TLL1: variants seen among roughly 807,000 people sequenced by gnomAD.
The protein encoded by TLL1 is tolloid like 1.
Under a neutral mutation model 128.2 loss-of-function variants are expected in TLL1, and 49 were observed. The observed-to-expected ratio is 0.38, with a 90% confidence interval of 0.30 to 0.48. The LOEUF (loss-of-function observed/expected upper bound fraction) is 0.48, where lower values mean the gene tolerates loss of function less well. Ranked by LOEUF, TLL1 falls within the 20% of genes least tolerant of loss-of-function variation. The pLI is 0.96. For missense variants in TLL1, 1,123 were observed against 1,242.0 expected, an observed-to-expected ratio of 0.90 and a Z score of 1.44; for synonymous variants, 454 against 418.8, an observed-to-expected ratio of 1.08 and a Z score of -1.03.
chr4:165,903,909 A>G (rs1333337478), intron 1 of TLL1, among the ~76,000 whole-genome samples: 4 of 151,992 alleles, frequency 2.6e-5, no homozygotes, highest in Non-Finnish European at 4.4e-5. Flanking sequence ...TAAAATATAT[A>G]GGGTTTTTTT....
At chr4:166,017,878 A>G (rs958397646) in intron 8 of TLL1, among the ~76,000 whole-genome samples, 8 of 152,176 alleles carry the variant, frequency 5.3e-5, no homozygotes, top group Non-Finnish European at 1.2e-4. Context: ...GATAAGGACA[A>G]TGATATTGGC....
chr4:165,902,826 C>T (rs1176424208), intron 1 of TLL1, among the ~76,000 whole-genome samples: 1 of 152,072 alleles, frequency 6.6e-6, no homozygotes, highest in Non-Finnish European at 1.5e-5. Flanking sequence ...TATACAGCAC[C>T]ATATAAATCA....
In TLL1 at chr4:166,057,181, T is replaced by C. The variant is rs759998069; in HGVS notation, c.1721-3T>C. 7 of 1,613,782 alleles carry C rather than the reference T, an allele frequency of 4.3e-6. No homozygotes were observed. Among genetic ancestry groups the C allele is most frequent in the Non-Finnish European group, 5.1e-6 (6 of 1,179,840 alleles). On this transcript the variant is annotated splice_region_variant and splice_polypyrimidine_tract_variant and intron_variant, in intron 13 of 20. Transcript: ENST00000061240. ...TGTTCTATAACTATGACCATTTTCA[T>C]AGAGGAAGATGAGTGTGCCAAACCT... is the stretch of plus-strand genomic sequence containing the variant.
chr4:166,087,129 C>T (rs1247989991), intron 18 of TLL1, among the ~76,000 whole-genome samples: 1 of 152,068 alleles, frequency 6.6e-6, no homozygotes, highest in Non-Finnish European at 1.5e-5. Flanking sequence ...AATTAATGTT[C>T]ATTCAAAACA....
intron 8 of TLL1, among the ~76,000 whole-genome samples, chr4:166,015,328 T>C (rs1317107437): frequency 6.6e-6 from 1 of 152,010 alleles, no homozygotes. Context: ...TAGAATTCAC[T>C]TTTGGAAGTA....
At chr4:165,896,254 A>C (rs1272393497) in intron 1 of TLL1, among the ~76,000 whole-genome samples, 1 of 152,128 alleles carries the variant, frequency 6.6e-6, no homozygotes, top group Non-Finnish European at 1.5e-5. Flanking sequence ...CCTGCAAAGC[A>C]CATGAACTTA....
chr4:165,921,245 T>A (rs1464903427), intron 1 of TLL1, among the ~76,000 whole-genome samples: 1 of 152,186 alleles, frequency 6.6e-6, no homozygotes, highest in Non-Finnish European at 1.5e-5. Context: ...GGATGCAGCA[T>A]TTAGAACAAA....
chr4:165,880,683 A>G (rs1378724561), intron 1 of TLL1, among the ~76,000 whole-genome samples: 1 of 152,186 alleles, frequency 6.6e-6, no homozygotes, highest in African/African-American at 2.4e-5. Flanking sequence ...TAAAAGCCAT[A>G]TATTTACTCT....
intron 9 of TLL1, 56 bp downstream of exon 9, chr4:166,025,487 C>A: frequency 7.6e-7 from 1 of 1,320,910 alleles, no homozygotes; most frequent in Non-Finnish European, 1.1e-6. Flanking sequence ...AAAAGTTCAT[C>A]ATCCTTCAAA....
rs780958408 is a variant in TLL1 at position 166,091,331 on chromosome 4, A to G, written c.2646A>G (p.Thr882=). ...TTCAAAGAAAAGGCTTTCAAGCTACACATTCTACAGGTCAGCAAATTCAAG... is the reference window on the plus strand; with the variant it reads ...TTCAAAGAAAAGGCTTTCAAGCTACGCATTCTACAGGTCAGCAAATTCAAG... The part of the protein sequence containing the change: ...ASVQRKGFQA[T]HSTECGGRLK... The change falls in exon 19 of 21, where the codon ACA becomes ACG. Residue 882 remains threonine, a synonymous_variant. Transcript: ENST00000061240. 1 of 1,612,402 alleles carries G rather than the reference A, an allele frequency of 6.2e-7. No homozygotes were observed. The highest frequency in any genetic ancestry group is 1.1e-5 in the South Asian group (1 of 90,950).
intron 1 of TLL1, among the ~76,000 whole-genome samples, chr4:165,945,036 C>A (rs559231471): frequency 6.6e-6 from 1 of 151,972 alleles, no homozygotes; most frequent in Non-Finnish European, 1.5e-5. Flanking sequence ...GAGAAGGAAG[C>A]AAGTCCAGGG....
intron 19 of TLL1, among the ~76,000 whole-genome samples, chr4:166,092,224 A>T (rs988717): frequency 0.91 from 138,677 of 152,108 alleles, 63,811 homozygotes; most frequent in East Asian, 1. Flanking sequence ...GAATTTCTGC[A>T]GATTGTTTTT....
rs28391614 is a variant in TLL1, at chr4:165,873,640, C to A, written c.-265C>A. 3.3e-3 allele frequency: 1,108 copies of A among 330,862 alleles called. 14 individuals carry two copies. Among genetic ancestry groups the A allele is most frequent in the African/African-American group, 0.022 (1,043 of 47,058 alleles). The allele number at this position is 330,862 out of a possible 1,614,324, so 20.5% of individuals were successfully genotyped here. ...AGTTTGCCTGCGCCCTCCCCGCCTCCGAGTGCAGAGTTCCTTACCTGCCCT... is the reference window on the plus strand; with the variant it reads ...AGTTTGCCTGCGCCCTCCCCGCCTCAGAGTGCAGAGTTCCTTACCTGCCCT... On this transcript the variant is annotated 5_prime_UTR_variant, in exon 1 of 21. Coordinates refer to ENST00000061240, the MANE Select transcript of TLL1 (RefSeq NM_012464.5).
intron 20 of TLL1, 142 bp downstream of exon 20, chr4:166,099,669 A>G: frequency 9.2e-7 from 1 of 1,092,780 alleles, no homozygotes; most frequent in Non-Finnish European, 1.3e-6. Flanking sequence ...AAATGGCTTG[A>G]CAAAATATAA....
chr4:165,942,184 T>C (rs543418193), intron 1 of TLL1, among the ~76,000 whole-genome samples: 31 of 152,086 alleles, frequency 2.0e-4, no homozygotes, highest in Non-Finnish European at 3.7e-4. Flanking sequence ...CCCAACAACA[T>C]TGGCATTTGC....
chr4:166,061,841 G>C, intron 15 of TLL1, among the ~76,000 whole-genome samples: 1 of 152,024 alleles, frequency 6.6e-6, no homozygotes, highest in Non-Finnish European at 1.5e-5. Context: ...TAGGGTTTTT[G>C]TGGTTTTAGT....
chr4:165,915,057 C>T (rs1360899432), intron 1 of TLL1, among the ~76,000 whole-genome samples: 1 of 152,056 alleles, frequency 6.6e-6, no homozygotes, highest in Non-Finnish European at 1.5e-5. Flanking sequence ...ATTTGAGTTA[C>T]CCGTGGAGTG....
At position 165,995,080 on chromosome 4, in the gene TLL1, C is replaced by A; in HGVS notation, c.534C>A (p.Phe178Leu). The change falls in exon 5 of 21, where the codon TTC (phenylalanine) becomes TTA (leucine). Residue 178 changes from phenylalanine to leucine, a missense_variant. This residue lies in a region of TLL1 where 480 missense variants were observed against 542.4 expected (regional missense o/e 0.89). Transcript: ENST00000061240. ...TTCTAGGCAGCCAGAGAGCCATGTT[C>A]AAGCAGGCCATGAGGCACTGGGAAA... ...GNFTGSQRAMFKQAMRHWEKH... is the reference protein window; with the variant it reads ...GNFTGSQRAMLKQAMRHWEKH... 1 of 1,613,766 alleles carries A rather than the reference C, an allele frequency of 6.2e-7. No individual in the cohort carries two copies. Among genetic ancestry groups the A allele is most frequent in the South Asian group, 1.1e-5 (1 of 91,018 alleles).
intron 1 of TLL1, among the ~76,000 whole-genome samples, chr4:165,983,899 G>A (rs549949505): frequency 1.9e-4 from 29 of 151,952 alleles, no homozygotes; most frequent in African/African-American, 5.3e-4. Context: ...TCCAGTGTGC[G>A]AGGAAAGGAT....
Sources: allele counts gnomAD v4.1 joint callset (sites outside exome capture counted in the v4.1 genomes callset), GRCh38; gene constraint gnomAD v4.1.1; regional missense constraint gnomAD v4.1.1; transcripts MANE v1.5; gene names NCBI Gene and HGNC (gene_info 2026-07-23, HGNC 2026-07-21).